PIK3C2A: variants seen among roughly 807,000 people sequenced by gnomAD.
PIK3C2A encodes phosphatidylinositol 4-phosphate 3-kinase C2 domain-containing subunit alpha.
In PIK3C2A, 97 loss-of-function variants were observed where a neutral mutation model predicts 204.5. That is an observed-to-expected ratio of 0.47 (90% CI 0.40 to 0.56). PIK3C2A has a LOEUF of 0.56. Among genes scored for constraint, PIK3C2A ranks in the 20% least tolerant of loss-of-function variants. PIK3C2A has a pLI of 0.00. For missense variants in PIK3C2A, 1,735 were observed against 1,969.2 expected, an observed-to-expected ratio of 0.88 and a Z score of 2.25; for synonymous variants, 653 against 664.4, an observed-to-expected ratio of 0.98 and a Z score of 0.26.
At chr11:17,192,866 T>C (rs917652609) in intron 1 of PIK3C2A, among the ~76,000 whole-genome samples, 7 of 152,276 alleles carry the variant, frequency 4.6e-5, no homozygotes, top group African/African-American at 1.7e-4. Context: ...ATGGTTTTAA[T>C]GTCCCCTCCA....
intron 24 of PIK3C2A, among the ~76,000 whole-genome samples, chr11:17,101,825 G>C (rs184360111): frequency 0.012 from 1,871 of 151,702 alleles, 33 homozygotes; most frequent in African/African-American, 0.039. Flanking sequence ...GGATGGTCTC[G>C]ATCTCCTGAC....
chr11:17,143,358 T>C (rs1850126316), intron 8 of PIK3C2A, among the ~76,000 whole-genome samples: 1 of 152,136 alleles, frequency 6.6e-6, no homozygotes, highest in Non-Finnish European at 1.5e-5. Flanking sequence ...TATAAAAACC[T>C]TTCTAAATAT....
intron 1 of PIK3C2A, among the ~76,000 whole-genome samples, chr11:17,196,806 G>A (rs1852176830): frequency 6.6e-6 from 1 of 151,988 alleles, no homozygotes; most frequent in Admixed American, 6.6e-5. Context: ...TCCTGACCTC[G>A]TGATCCGCCC....
chr11:17,113,813 G>A (rs1424002322), intron 20 of PIK3C2A, among the ~76,000 whole-genome samples: 1 of 150,046 alleles, frequency 6.7e-6, no homozygotes, highest in Non-Finnish European at 1.5e-5. Context: ...CAGGCATGGT[G>A]GCTCATGCCT....
intron 5 of PIK3C2A, among the ~76,000 whole-genome samples, chr11:17,147,978 G>C (rs567431851): frequency 6.6e-6 from 1 of 152,118 alleles, no homozygotes; most frequent in African/African-American, 2.4e-5. Context: ...AGCACTTTGG[G>C]AGGCCGAGGC....
intron 2 of PIK3C2A, among the ~76,000 whole-genome samples, chr11:17,158,371 A>AC (rs1362416997): frequency 6.8e-6 from 1 of 147,302 alleles, no homozygotes; most frequent in African/African-American, 2.5e-5. Flanking sequence ...TAATAATAAT[A>AC]AATATATATA....
At chr11:17,144,086 A>C (rs1237820581) in intron 8 of PIK3C2A, among the ~76,000 whole-genome samples, 1 of 152,228 alleles carries the variant, frequency 6.6e-6, no homozygotes, top group Non-Finnish European at 1.5e-5. Context: ...AAGGATAATA[A>C]TCACATAGCT....
chr11:17,158,780 C>T (rs970017202), intron 2 of PIK3C2A, among the ~76,000 whole-genome samples: 1 of 152,036 alleles, frequency 6.6e-6, no homozygotes, highest in Non-Finnish European at 1.5e-5. Context: ...CCTTAGGTGG[C>T]ATTTTAGGAT....
At chr11:17,163,640 T>C (rs1384485790) in intron 2 of PIK3C2A, among the ~76,000 whole-genome samples, 1 of 152,000 alleles carries the variant, frequency 6.6e-6, no homozygotes, top group East Asian at 1.9e-4. Flanking sequence ...TCTCGAATTC[T>C]TGGCCTCAAG....
chr11:17,129,386 G>C lies in PIK3C2A; in HGVS notation c.2313C>G (p.Ser771Arg). 5.6e-6 allele frequency: 9 copies of C among 1,610,722 alleles called. No homozygotes were observed. The highest frequency in any genetic ancestry group is 7.6e-6 in the Non-Finnish European group (9 of 1,176,954). Residue 771 changes from serine (S) to arginine (R), a missense_variant, in exon 13 of 33, where the codon AGC becomes AGG. Ser to Arg is a moderately radical substitution (Grantham distance 110, BLOSUM62 -1). Coordinates refer to ENST00000691414, the MANE Select transcript of PIK3C2A (RefSeq NM_002645.4). Reference protein sequence around the residue: ...HLTLFGILNQSSGSSPDSNKQ... With the variant: ...HLTLFGILNQRSGSSPDSNKQ... The stretch of plus-strand genomic sequence containing the variant: ...TATTAGAATCAGGGGAACTTCCACT[G>C]CTCTGATTTAAAATTCCAAAAAGAG...
chr11:17,146,598 G>A (rs369936285), intron 6 of PIK3C2A, among the ~76,000 whole-genome samples: 27 of 151,702 alleles, frequency 1.8e-4, no homozygotes, highest in South Asian at 4.2e-4. Context: ...GTGCATGCCC[G>A]CAGTTCCAGC....
In PIK3C2A at chr11:17,136,721, A is replaced by C. The variant is rs538808332; in HGVS notation, c.1705-96T>G. The C allele has an allele frequency of 5.0e-5, 31 of 626,252 alleles. No homozygotes were observed. The South Asian group carries it at 6.6e-4, about 13-fold the overall frequency. The allele number at this position is 626,252 out of a possible 1,614,324, so 38.8% of individuals were successfully genotyped here. On this transcript the variant is annotated intron_variant, in intron 8 of 32. Transcript: ENST00000691414. ...GAAACTAGATATCTTAGATATCCCT[A>C]ACAGATATCCTCTACTCTTTTGTGA...
chr11:17,099,213 G>A lies in PIK3C2A; in HGVS notation c.4118+647C>T, dbSNP rs575414637. 2.6e-5 allele frequency among the ~76,000 whole-genome samples: 4 copies of A among 152,236 alleles called. No homozygotes were observed. In the East Asian group the frequency reaches 5.8e-4, roughly 22 times the overall value. ...CCTGGCTGGAAGATCTGTTTTTAAA[G>A]CAATAACAAATTCAAGTACCAGTCA... is the stretch of plus-strand genomic sequence containing the variant. On this transcript the variant is annotated intron_variant, in intron 26 of 32. Transcript: ENST00000691414.
At position 17,117,626 on chromosome 11, in the gene PIK3C2A, G is replaced by A. The variant is rs1211430835; in HGVS notation, c.3081C>T (p.Tyr1027=). 4.3e-6 allele frequency: 7 copies of A among 1,611,382 alleles called. No homozygotes were observed. The highest frequency in any genetic ancestry group is 5.9e-6 in the Non-Finnish European group (7 of 1,178,604). ...ALHDVQFSTR[Y]EHVLGALLSV... ...ACAGGAGAGCACCCAAAACATGTTC[G>A]TATCGGGTACTAAACTGTACATCAT... The change falls in exon 19 of 33, where the codon TAC becomes TAT. Residue 1027 remains tyrosine (Y), a synonymous_variant. Transcript: ENST00000691414.
At chr11:17,103,445 A>C (rs1473435676) in intron 23 of PIK3C2A, among the ~76,000 whole-genome samples, 1 of 152,158 alleles carries the variant, frequency 6.6e-6, no homozygotes, top group Non-Finnish European at 1.5e-5. Flanking sequence ...ATGTGTATTT[A>C]GTTTATTTAT....
At position 17,112,683 on chromosome 11, in the gene PIK3C2A, T is replaced by C; in HGVS notation, c.3322-17A>G. On this transcript the variant is annotated splice_polypyrimidine_tract_variant and intron_variant, in intron 20 of 32. Coordinates refer to ENST00000691414, the MANE Select transcript of PIK3C2A (RefSeq NM_002645.4). The stretch of plus-strand genomic sequence containing the variant: ...GGAACACGACTGCAAATACAACATG[T>C]TAAGCATTAGAAAGATAAATGAAAA... 2 of 1,322,174 alleles carry C rather than the reference T, an allele frequency of 1.5e-6. No individual in the cohort carries two copies. Among genetic ancestry groups the C allele is most frequent in the East Asian group, 2.5e-5 (1 of 39,520 alleles). 81.9% of individuals were successfully genotyped at this position (1,322,174 alleles called of 1,614,324 possible).
At chr11:17,109,775 A>C (rs1167896367) in intron 22 of PIK3C2A, among the ~76,000 whole-genome samples, 1 of 152,056 alleles carries the variant, frequency 6.6e-6, no homozygotes, top group African/African-American at 2.4e-5. Context: ...GACTCAAGTG[A>C]TCCTCCTGCC....
chr11:17,206,189 G>A (rs544414019), intron 1 of PIK3C2A, among the ~76,000 whole-genome samples: 9 of 152,198 alleles, frequency 5.9e-5, no homozygotes, highest in Admixed American at 3.9e-4. Context: ...CAGGAAACAC[G>A]CATATAAAAC....
At chr11:17,174,735 C>G (rs1851285730) in intron 1 of PIK3C2A, among the ~76,000 whole-genome samples, 1 of 151,854 alleles carries the variant, frequency 6.6e-6, no homozygotes, top group Non-Finnish European at 1.5e-5. Context: ...CCCATCTCTA[C>G]TAAAAATACA....
Sources: allele counts gnomAD v4.1 joint callset (sites outside exome capture counted in the v4.1 genomes callset), GRCh38; gene constraint gnomAD v4.1.1; transcripts MANE v1.5; gene names NCBI Gene and HGNC (gene_info 2026-07-23, HGNC 2026-07-21).